The following RAB11FIP3 variants were observed in gnomAD, a reference collection of about 807,000 sequenced individuals.
RAB11FIP3 encodes the protein RAB11 family interacting protein 3.
RAB11FIP3 carries 17 observed loss-of-function variants against 77.8 expected under a neutral mutation model. That is an observed-to-expected ratio of 0.22 (90% CI 0.15 to 0.33). The LOEUF is 0.33. Among genes scored for constraint, RAB11FIP3 ranks in the 10% least tolerant of loss-of-function variants. RAB11FIP3 has a pLI of 1.00. For missense variants in RAB11FIP3, 1,005 were observed against 1,011.2 expected, an observed-to-expected ratio of 0.99 and a Z score of 0.08; for synonymous variants, 437 against 448.2, an observed-to-expected ratio of 0.98 and a Z score of 0.31.
intron 9 of RAB11FIP3, among the ~76,000 whole-genome samples, chr16:512,536 G>A (rs918986078): frequency 3.6e-5 from 5 of 139,266 alleles, no homozygotes; most frequent in East Asian, 2.1e-4. Flanking sequence ...CATCGCGCCC[G>A]GCCTTTTTTT....
intron 5 of RAB11FIP3, among the ~76,000 whole-genome samples, chr16:493,192 G>T (rs1596273287): frequency 1.3e-5 from 2 of 151,012 alleles, no homozygotes; most frequent in Admixed American, 1.3e-4. Context: ...TGGAGGCTGT[G>T]GTGAGCCAAC....
intron 1 of RAB11FIP3, among the ~76,000 whole-genome samples, chr16:431,107 G>T (rs2055027942): frequency 6.6e-6 from 1 of 151,702 alleles, no homozygotes; most frequent in African/African-American, 2.4e-5. Flanking sequence ...TATGTGAGCT[G>T]GTGTGTGTGT....
In RAB11FIP3 at chr16:505,395, C is replaced by G. The variant is rs1253954615; in HGVS notation, c.1396-129C>G. ...TTTATGGGACAAGTTGGATCCAACA[C>G]CAGCCTAGCTAGGTGGATCTGATTC... On this transcript the variant is annotated intron_variant, in intron 7 of 13. Coordinates refer to ENST00000262305, the MANE Select transcript of RAB11FIP3 (RefSeq NM_014700.4). The surrounding 1 kb of genome is among the most constrained non-coding windows in gnomAD (Gnocchi z 4.0). 2.9e-6 allele frequency: 2 copies of G among 689,088 alleles called. No homozygotes were observed. Among genetic ancestry groups the G allele is most frequent in the African/African-American group, 3.6e-5 (2 of 55,542 alleles). The allele number at this position is 689,088 out of a possible 1,614,324, so 42.7% of individuals were successfully genotyped here. A position where few individuals can be genotyped will look rare whatever the true frequency, so the allele number is the denominator to read the frequency against.
chr16:484,111 A>G (rs954486993), intron 4 of RAB11FIP3, among the ~76,000 whole-genome samples: 4 of 152,138 alleles, frequency 2.6e-5, no homozygotes, highest in Non-Finnish European at 5.9e-5. Flanking sequence ...TCTTTTTGCC[A>G]ACATAATATA....
rs529720801 is a variant in RAB11FIP3, at chr16:507,985, G to A, written c.1499+2358G>A. On this transcript the variant is annotated intron_variant, in intron 8 of 13. Coordinates refer to ENST00000262305, the MANE Select transcript of RAB11FIP3 (RefSeq NM_014700.4). The surrounding 1 kb of genome is among the most constrained non-coding windows in gnomAD (Gnocchi z 4.6). ...GTACAGCTGCCATCCTAGGAATTCC[G>A]AGTGCTTTCTCCTGTGTTTGATTCC... 1.3e-5 allele frequency among the ~76,000 whole-genome samples: 2 copies of A among 152,314 alleles called. No homozygotes were observed. Among genetic ancestry groups the A allele is most frequent in the East Asian group, 3.9e-4 (2 of 5,186 alleles).
rs542248830 is a variant in RAB11FIP3, at chr16:471,161, AC to A, written c.809-126del. The stretch of plus-strand genomic sequence containing the variant: ...CATGCTCACTCCCTTGCTTGTCTTG[AC>A]CCCCCCCAGGGCCCCCAACTCCCAC... On this transcript the variant is annotated intron_variant, in intron 2 of 13. Transcript: ENST00000262305. The surrounding 1 kb of genome is among the most constrained non-coding windows in gnomAD (Gnocchi z 4.4). The A allele has an allele frequency of 5.8e-4, 399 of 685,916 alleles. 2 individuals carry two copies. Among genetic ancestry groups the A allele is most frequent in the Middle Eastern group, 1.6e-3 (4 of 2,494 alleles). The allele number at this position is 685,916 out of a possible 1,614,324, so 42.5% of individuals were successfully genotyped here.
intron 5 of RAB11FIP3, chr16:491,114 G>T (rs138055428): frequency 7.8e-7 from 1 of 1,289,704 alleles, no homozygotes; most frequent in African/African-American, 1.5e-5. Flanking sequence ...TCTCCTGAAC[G>T]GATGCTTCTG....
chr16:502,977 C>G (rs376581441), intron 6 of RAB11FIP3, 27 bp from the exon 7 acceptor site: 1 of 1,549,484 alleles, frequency 6.5e-7, no homozygotes, highest in Admixed American at 1.7e-5. Context: ...TCCCTTTCTT[C>G]CCTCTGTTGT....
chr16:465,570 G>A (rs768482088), intron 2 of RAB11FIP3, among the ~76,000 whole-genome samples: 10 of 152,240 alleles, frequency 6.6e-5, no homozygotes, highest in Admixed American at 1.3e-4. Context: ...AGCTTAGAGG[G>A]GAGTGTGGGC....
In RAB11FIP3 at chr16:505,594, G is replaced by A. The variant is rs760889525; in HGVS notation, c.1466G>A (p.Arg489His). 18 of 1,603,896 alleles carry A rather than the reference G, an allele frequency of 1.1e-5. No individual in the cohort carries two copies. The highest frequency in any genetic ancestry group is 2.2e-5 in the East Asian group (1 of 44,864). ...GCAGCCACCGGTGAGCAACACAGCC[G>A]CCTGAGGCAGGAGAACCTGCAGCTG... is the stretch of plus-strand genomic sequence containing the variant. Reference protein sequence around the residue: ...DTAATGEQHSRLRQENLQLVH... With the variant: ...DTAATGEQHSHLRQENLQLVH... The change falls in exon 8 of 14, where the codon CGC becomes CAC. Residue 489 changes from arginine to histidine, a missense_variant. This residue lies in a region of RAB11FIP3 where 433 missense variants were observed against 436.1 expected (regional missense o/e 0.99). Transcript: ENST00000262305. The surrounding 1 kb of genome is among the most constrained non-coding windows in gnomAD (Gnocchi z 4.0).
chr16:485,074 C>T (rs894622602), intron 4 of RAB11FIP3, among the ~76,000 whole-genome samples: 1 of 152,098 alleles, frequency 6.6e-6, no homozygotes, highest in Non-Finnish European at 1.5e-5. Context: ...AGCTCCTCTG[C>T]CTGCTCACTG....
chr16:500,854 G>A (rs910937957), intron 6 of RAB11FIP3, among the ~76,000 whole-genome samples: 5 of 152,096 alleles, frequency 3.3e-5, no homozygotes, highest in African/African-American at 7.2e-5. Flanking sequence ...AAGTGCCTAC[G>A]CCTCTAGGAC....
intron 6 of RAB11FIP3, among the ~76,000 whole-genome samples, chr16:498,784 C>T (rs1012403656): frequency 1.3e-5 from 2 of 152,112 alleles, no homozygotes; most frequent in Non-Finnish European, 2.9e-5. Flanking sequence ...GAATTACAGG[C>T]AGGAGCCACC....
chr16:491,149 C>G (rs201267811), intron 5 of RAB11FIP3: 2 of 1,302,420 alleles, frequency 1.5e-6, no homozygotes, highest in Non-Finnish European at 2.0e-6. Flanking sequence ...ACCCTCTTGC[C>G]GCAAAGCTGC....
chr16:457,650 A>C (rs2055525511), intron 1 of RAB11FIP3, among the ~76,000 whole-genome samples: 1 of 152,196 alleles, frequency 6.6e-6, no homozygotes, highest in African/African-American at 2.4e-5. Flanking sequence ...AGTTTTAAAA[A>C]TGTATACTTT....
At chr16:498,875 T>C (rs2031324052) in intron 6 of RAB11FIP3, among the ~76,000 whole-genome samples, 2 of 151,600 alleles carry the variant, frequency 1.3e-5, no homozygotes, top group Middle Eastern at 3.4e-3. Flanking sequence ...AACGTCATCA[T>C]GCATCTTTTT....
chr16:427,571 G>A (rs1452798917), intron 1 of RAB11FIP3, among the ~76,000 whole-genome samples: 1 of 152,232 alleles, frequency 6.6e-6, no homozygotes, highest in Non-Finnish European at 1.5e-5. Flanking sequence ...GCAGGGCCGT[G>A]TGTGTTCTGC....
chr16:521,156 C>G lies in RAB11FIP3; in HGVS notation c.*317C>G. ...AGCCCTGAGTCAAGCTGGCCATGAACGCGTACACTTCAGTTCAGCAGGATG... is the reference window on the plus strand; with the variant it reads ...AGCCCTGAGTCAAGCTGGCCATGAAGGCGTACACTTCAGTTCAGCAGGATG... On this transcript the variant is annotated 3_prime_UTR_variant, in exon 14 of 14. Transcript: ENST00000262305. 2.3e-6 allele frequency: 1 copy of G among 443,216 alleles called. No homozygotes were observed. Among genetic ancestry groups the G allele is most frequent in the Non-Finnish European group, 4.2e-6 (1 of 239,656 alleles). The allele number at this position is 443,216 out of a possible 1,614,324, so 27.5% of individuals were successfully genotyped here.
intron 4 of RAB11FIP3, among the ~76,000 whole-genome samples, chr16:484,196 C>G (rs1389012893): frequency 6.6e-6 from 1 of 152,198 alleles, no homozygotes. Flanking sequence ...CGGCCCTTTT[C>G]TCAGGCAAGA....
Sources: allele counts gnomAD v4.1 joint callset (sites outside exome capture counted in the v4.1 genomes callset), GRCh38; gene constraint gnomAD v4.1.1; regional missense constraint gnomAD v4.1.1; non-coding constraint Gnocchi (gnomAD v3.1); transcripts MANE v1.5; gene names NCBI Gene and HGNC (gene_info 2026-07-23, HGNC 2026-07-21).